Variants in TCP11L2 observed in about 807,000 individuals in gnomAD.
TCP11L2 encodes the protein T-complex protein 11-like protein 2.
A neutral mutation model predicts 50.7 loss-of-function variants in TCP11L2; 39 were observed. The observed-to-expected ratio is 0.77, with a 90% CI of 0.60 to 1.01. TCP11L2 has a LOEUF of 1.01. Ranked by LOEUF, TCP11L2 falls within the 50% of genes least tolerant of loss-of-function variation. TCP11L2 has a pLI of 0.00. For missense variants in TCP11L2, 612 were observed against 614.7 expected (o/e 1.00, Z 0.05); for synonymous variants, 192 against 219.3 (o/e 0.88, Z 1.10).
chr12:106,325,157 G>A (rs1351256824), intron 6 of TCP11L2: 2 of 152,238 alleles, frequency 1.3e-5, no homozygotes, highest in Admixed American at 6.5e-5. Flanking sequence ...TGCGGAAACT[G>A]AGGCACTGTG....
At chr12:106,343,403 C>T (rs188871509) in intron 9 of TCP11L2, among the ~76,000 whole-genome samples, 8 of 152,262 alleles carry the variant, frequency 5.3e-5, no homozygotes, top group African/African-American at 1.7e-4. Context: ...ATAAATTAAA[C>T]AGAGAGATTC....
chr12:106,328,909 C>A (rs541876366), intron 6 of TCP11L2, among the ~76,000 whole-genome samples: 1 of 152,180 alleles, frequency 6.6e-6, no homozygotes, highest in Admixed American at 6.5e-5. Flanking sequence ...CCACTCAGAT[C>A]CCGGGAAGGA....
At chr12:106,303,619 A>G (rs2034511735) in intron 1 of TCP11L2, 1 of 152,258 alleles carries the variant, frequency 6.6e-6, no homozygotes, top group African/African-American at 2.4e-5. Flanking sequence ...TGTGCTTCCC[A>G]AAGCTGCTAC....
At position 106,308,401 on chromosome 12, in the gene TCP11L2, G is replaced by A. The variant is rs564359257; in HGVS notation, c.-35-2640G>A. Among the ~76,000 whole-genome samples, 6 of 152,296 alleles carry A rather than the reference G, an allele frequency of 3.9e-5. No homozygotes were observed. The East Asian group carries it at 1.2e-3, about 29-fold the overall frequency. On this transcript the variant is annotated intron_variant, in intron 1 of 9. Transcript: ENST00000299045. ...ATTATTTTAATCTTTGCACTTTTCT[G>A]CCTTGTTAAACACAGTTAAGAAACC...
At chr12:106,332,347 T>C (rs1456147955) in intron 6 of TCP11L2, among the ~76,000 whole-genome samples, 1 of 152,188 alleles carries the variant, frequency 6.6e-6, no homozygotes, top group African/African-American at 2.4e-5. Context: ...CAGAAACCTA[T>C]ACATAAATAT....
At chr12:106,345,501 G>C (rs996698383) in intron 9 of TCP11L2, among the ~76,000 whole-genome samples, 6 of 152,190 alleles carry the variant, frequency 3.9e-5, no homozygotes, top group Non-Finnish European at 8.8e-5. Flanking sequence ...GAAATCTCCT[G>C]ATTTTAAATG....
upstream of TCP11L2, among the ~76,000 whole-genome samples, chr12:106,298,561 G>A (rs1186695019): frequency 1.3e-5 from 2 of 151,898 alleles, no homozygotes; most frequent in African/African-American, 4.8e-5. Context: ...TCGCTCTGTT[G>A]CCCAGGCTGG....
At chr12:106,312,822 T>C (rs758102499) in intron 2 of TCP11L2, among the ~76,000 whole-genome samples, 2 of 151,906 alleles carry the variant, frequency 1.3e-5, no homozygotes, top group Non-Finnish European at 2.9e-5. Context: ...GTGGAGGTTG[T>C]AGTGAGTCAA....
intron 4 of TCP11L2, among the ~76,000 whole-genome samples, 154 bp downstream of exon 4, chr12:106,318,618 G>A (rs959085108): frequency 4.6e-5 from 7 of 152,224 alleles, no homozygotes; most frequent in African/African-American, 1.2e-4. Flanking sequence ...CACCAGATTC[G>A]GCATCTGGTG....
intron 9 of TCP11L2, among the ~76,000 whole-genome samples, chr12:106,343,847 C>T (rs576375525): frequency 4.0e-5 from 6 of 151,696 alleles, no homozygotes; most frequent in South Asian, 4.2e-4. Context: ...TTAGTAGAGA[C>T]GGGGTTCCAC....
At chr12:106,324,780 G>C (rs943058288) in intron 6 of TCP11L2, 2 of 152,184 alleles carry the variant, frequency 1.3e-5, no homozygotes, top group South Asian at 4.1e-4. Flanking sequence ...GTGACTCTAA[G>C]GTTTTTGGCC....
upstream of TCP11L2, among the ~76,000 whole-genome samples, chr12:106,301,353 T>TA (rs2034409388): frequency 1.3e-5 from 2 of 152,208 alleles, no homozygotes; most frequent in South Asian, 4.1e-4. Context: ...AACTAATACT[T>TA]AGAGTGCTTA....
Position 106,335,701 on chromosome 12 carries a change from T to G in TCP11L2, c.835T>G (p.Ser279Ala). Residue 279 changes from serine to alanine, a missense_variant, in exon 7 of 10, where the codon TCT (serine) becomes GCT (alanine). Ser to Ala is a moderately conservative substitution (Grantham distance 99). Coordinates refer to ENST00000299045, the MANE Select transcript of TCP11L2 (RefSeq NM_152772.3). ...TGTAAATGAAGAATTATTTTCTCTT[T>G]CTGAGAGTGCTTTAACTCCTGGGGC... is the stretch of plus-strand genomic sequence containing the variant. ...ESVNEELFSL[S>A]ESALTPGAEN... 1 of 1,614,206 alleles carries G rather than the reference T, an allele frequency of 6.2e-7. No individual in the cohort carries two copies. The highest frequency in any genetic ancestry group is 8.5e-7 in the Non-Finnish European group (1 of 1,180,038).
chr12:106,314,427 C>G lies in TCP11L2; in HGVS notation c.227C>G (p.Thr76Ser). Reference protein sequence around the residue: ...MATARNLSNLTLAHEIAVNEN... With the variant: ...MATARNLSNLSLAHEIAVNEN... Reference sequence around the variant, plus strand: ...ACAGCAAGGAACTTATCAAACTTGACTCTTGCTCATGAGATTGCTGTAAAT... The same window carrying G: ...ACAGCAAGGAACTTATCAAACTTGAGTCTTGCTCATGAGATTGCTGTAAAT... Residue 76 changes from threonine (T) to serine (S), a missense_variant, in exon 3 of 10, where the codon ACT (threonine) becomes AGT (serine). By Grantham distance (58) the Thr-to-Ser change is moderately conservative (BLOSUM62 1). Transcript: ENST00000299045. The G allele has an allele frequency of 6.2e-7, 1 of 1,613,796 alleles. No homozygotes were observed. Among genetic ancestry groups the G allele is most frequent in the Non-Finnish European group, 8.5e-7 (1 of 1,179,780 alleles).
At chr12:106,344,568 G>A (rs1298370518) in intron 9 of TCP11L2, among the ~76,000 whole-genome samples, 1 of 152,198 alleles carries the variant, frequency 6.6e-6, no homozygotes, top group Non-Finnish European at 1.5e-5. Context: ...TAAAAGGAAA[G>A]AATTCTAAGA....
chr12:106,313,578 C>CAAAAAAAT (rs780595847), intron 2 of TCP11L2, among the ~76,000 whole-genome samples: 68 of 65,420 alleles, frequency 1.0e-3, no homozygotes, highest in Non-Finnish European at 1.7e-3. Flanking sequence ...GACTCCATCT[C>CAAAAAAAT]AAAAAAATAA....
chr12:106,306,755 C>T (rs2034647221), intron 1 of TCP11L2, among the ~76,000 whole-genome samples: 2 of 152,214 alleles, frequency 1.3e-5, no homozygotes, highest in South Asian at 2.1e-4. Flanking sequence ...AGTTAATCTT[C>T]ACAACACTTC....
chr12:106,329,840 A>G (rs2035686074), intron 6 of TCP11L2: 1 of 986,478 alleles, frequency 1.0e-6, no homozygotes, highest in Non-Finnish European at 1.2e-6. Flanking sequence ...AGTCTTTTAC[A>G]TCTTTATAAA....
Position 106,321,652 on chromosome 12 carries a change from G to C in TCP11L2, c.581G>C (p.Arg194Pro). 1 of 1,614,150 alleles carries C rather than the reference G, an allele frequency of 6.2e-7. No homozygotes were observed. The highest frequency in any genetic ancestry group is 8.5e-7 in the Non-Finnish European group (1 of 1,180,044). ...ATGGGAAAGCTGTGTGCTCCCGTGC[G>C]AGATAATGATATCAGAGAGTTAAAG... The part of the protein sequence containing the change: ...STMGKLCAPV[R>P]DNDIRELKAT... The change falls in exon 5 of 10, where the codon CGA becomes CCA. Residue 194 changes from arginine to proline, a missense_variant. Transcript: ENST00000299045.
Sources: gnomAD v4.1 joint callset for allele counts (sites outside exome capture counted in the v4.1 genomes callset) on GRCh38, gnomAD v4.1.1 for gene constraint, MANE v1.5 for transcripts, NCBI Gene and HGNC (gene_info 2026-07-23, HGNC 2026-07-21) for gene names.